Variants in LMBRD1 observed in about 807,000 individuals in gnomAD.
LMBRD1 encodes LMBR1 domain containing 1.
LMBRD1 carries 64 observed loss-of-function variants against 74.8 expected under a neutral mutation model. That is an observed-to-expected ratio of 0.86 (90% CI 0.70 to 1.05). The LOEUF (loss-of-function observed/expected upper bound fraction) is 1.05. Ranked by LOEUF, LMBRD1 falls within the 50% of genes least tolerant of loss-of-function variation. LMBRD1 has a pLI of 0.00. For synonymous variants in LMBRD1, 204 were observed against 216.3 expected (o/e 0.94, Z 0.50); for missense variants, 652 against 645.9 (o/e 1.01, Z -0.10).
At chr6:69,771,115 T>C (rs146743442) in intron 3 of LMBRD1, among the ~76,000 whole-genome samples, 30 of 152,270 alleles carry the variant, frequency 2.0e-4, no homozygotes, top group African/African-American at 7.2e-4. Flanking sequence ...TAAAAAAACA[T>C]TTACTGACAG....
intron 9 of LMBRD1, chr6:69,705,952 C>A (rs974680959): frequency 8.8e-7 from 1 of 1,136,814 alleles, no homozygotes; most frequent in Non-Finnish European, 1.3e-6. Context: ...TTTAATTGGA[C>A]TGCCTTTGTA....
intron 3 of LMBRD1, among the ~76,000 whole-genome samples, chr6:69,760,862 CAA>C (rs1765358946): frequency 2.0e-5 from 3 of 152,146 alleles, no homozygotes; most frequent in East Asian, 1.9e-4. Context: ...TGTTACAGGC[CAA>C]GAGAGAGATA....
chr6:69,733,952 C>G (rs996225257), intron 7 of LMBRD1, among the ~76,000 whole-genome samples: 1 of 152,062 alleles, frequency 6.6e-6, no homozygotes, highest in Non-Finnish European at 1.5e-5. Context: ...CAGTAGATTC[C>G]AAGACTTGGT....
chr6:69,733,347 G>A (rs965588680), intron 7 of LMBRD1, among the ~76,000 whole-genome samples: 1 of 152,022 alleles, frequency 6.6e-6, no homozygotes, highest in African/African-American at 2.4e-5. Flanking sequence ...CCTTTTCCAA[G>A]GTAAGTTAGG....
chr6:69,735,917 C>T (rs1163227861), intron 7 of LMBRD1, among the ~76,000 whole-genome samples: 1 of 152,236 alleles, frequency 6.6e-6, no homozygotes, highest in Non-Finnish European at 1.5e-5. Flanking sequence ...GCCACAATGG[C>T]TTTGCCTCCT....
intron 9 of LMBRD1, among the ~76,000 whole-genome samples, chr6:69,711,380 C>A (rs1197082884): frequency 6.6e-6 from 1 of 152,058 alleles, no homozygotes; most frequent in Admixed American, 6.6e-5. Flanking sequence ...CCCTATCTAT[C>A]TATATTGGGC....
At chr6:69,692,772 A>C (rs1765918132) in intron 14 of LMBRD1, among the ~76,000 whole-genome samples, 1 of 152,016 alleles carries the variant, frequency 6.6e-6, no homozygotes, top group African/African-American at 2.4e-5. Context: ...TTTGATTACA[A>C]TTTCATTACA....
chr6:69,776,306 T>C (rs1404544513), intron 3 of LMBRD1, among the ~76,000 whole-genome samples: 2 of 152,220 alleles, frequency 1.3e-5, no homozygotes, highest in Non-Finnish European at 1.5e-5. Flanking sequence ...AACAATTTCA[T>C]TGAGGAAGAT....
chr6:69,708,183 G>A (rs1766303899), intron 9 of LMBRD1, among the ~76,000 whole-genome samples: 1 of 152,096 alleles, frequency 6.6e-6, no homozygotes, highest in Non-Finnish European at 1.5e-5. Context: ...AGTATTTAAT[G>A]AACATCAGAC....
At position 69,790,481 on chromosome 6, in the gene LMBRD1, G is replaced by C; in HGVS notation, c.70-9C>G. 6.2e-7 allele frequency: 1 copy of C among 1,612,942 alleles called. No homozygotes were observed. The highest frequency in any genetic ancestry group is 1.1e-5 in the South Asian group (1 of 91,026). On this transcript the variant is annotated splice_polypyrimidine_tract_variant and intron_variant, in intron 1 of 15. Coordinates refer to ENST00000649934, the MANE Select transcript of LMBRD1 (RefSeq NM_018368.4). ...CAGAATGCCAAAATAGCCTGAAATA[G>C]AACAAAAAGAGATGTTTGTTACTAC... is the stretch of plus-strand genomic sequence containing the variant.
At chr6:69,760,238 T>C (rs1765347428) in intron 3 of LMBRD1, among the ~76,000 whole-genome samples, 1 of 152,222 alleles carries the variant, frequency 6.6e-6, no homozygotes, top group South Asian at 2.1e-4. Flanking sequence ...CACTGATTAA[T>C]ATGTGGCATA....
chr6:69,750,640 A>C (rs2149877062), intron 4 of LMBRD1, among the ~76,000 whole-genome samples: 1 of 152,268 alleles, frequency 6.6e-6, no homozygotes, highest in South Asian at 2.1e-4. Context: ...AAGGTAAAGA[A>C]GATCCTAAGA....
At position 69,790,359 on chromosome 6, in the gene LMBRD1, T is replaced by A. The variant is rs143090085; in HGVS notation, c.183A>T (p.Ser61=). Residue 61 remains serine (S), a synonymous_variant, in exon 2 of 16, where the codon TCA becomes TCT. Transcript: ENST00000649934. ...AAAATATATCCACTGGTAGAAGTGCTGATGTGATAAGTGCAATTGCTAGAG... is the reference window on the plus strand; with the variant it reads ...AAAATATATCCACTGGTAGAAGTGCAGATGTGATAAGTGCAATTGCTAGAG... ...IFSLAIALIT[S]ALLPVDIFLV... 13 of 1,613,712 alleles carry A rather than the reference T, an allele frequency of 8.1e-6. No homozygotes were observed. The highest frequency in any genetic ancestry group is 1.7e-5 in the Admixed American group (1 of 60,000).
intron 8 of LMBRD1, among the ~76,000 whole-genome samples, chr6:69,716,793 C>T (rs775105425): frequency 1.1e-4 from 17 of 151,580 alleles, no homozygotes; most frequent in Non-Finnish European, 2.5e-4. Flanking sequence ...TTCTTACATA[C>T]CTGGGTACAA....
At chr6:69,758,710 C>T (rs1203669677) in intron 3 of LMBRD1, among the ~76,000 whole-genome samples, 1 of 152,128 alleles carries the variant, frequency 6.6e-6, no homozygotes, top group Non-Finnish European at 1.5e-5. Flanking sequence ...CTGCTAATAG[C>T]AGCCACACAC....
intron 14 of LMBRD1, among the ~76,000 whole-genome samples, chr6:69,684,321 A>C (rs558089400): frequency 1.2e-4 from 19 of 152,058 alleles, no homozygotes; most frequent in Non-Finnish European, 2.5e-4. Flanking sequence ...TATGAAAATG[A>C]GATAATACAA....
At chr6:69,742,411 T>C (rs936351582) in intron 5 of LMBRD1, among the ~76,000 whole-genome samples, 11 of 152,184 alleles carry the variant, frequency 7.2e-5, no homozygotes, top group African/African-American at 2.7e-4. Context: ...ATGAAAGTAG[T>C]TTCTATTTGT....
At chr6:69,719,333 A>G (rs1766565292) in intron 7 of LMBRD1, among the ~76,000 whole-genome samples, 1 of 152,198 alleles carries the variant, frequency 6.6e-6, no homozygotes, top group Non-Finnish European at 1.5e-5. Flanking sequence ...AATTTACTGT[A>G]CAATACTTTA....
intron 14 of LMBRD1, among the ~76,000 whole-genome samples, chr6:69,677,181 G>A (rs1440190928): frequency 6.6e-6 from 1 of 152,170 alleles, no homozygotes; most frequent in East Asian, 1.9e-4. Context: ...AGAGTAATTG[G>A]ACAAAAGTGT....
Sources: allele counts gnomAD v4.1 joint callset (sites outside exome capture counted in the v4.1 genomes callset), GRCh38; gene constraint gnomAD v4.1.1; transcripts MANE v1.5; gene names NCBI Gene and HGNC (gene_info 2026-07-23, HGNC 2026-07-21).